Variants in ROPN1L observed in about 807,000 individuals in gnomAD.
ROPN1L encodes the protein ropporin-1-like protein.
Under a neutral mutation model 22.7 loss-of-function variants are expected in ROPN1L, and 23 were observed. The observed-to-expected ratio is 1.01, with a 90% confidence interval of 0.73 to 1.43. The LOEUF is 1.43. Among genes scored for constraint, ROPN1L ranks in the 40% most tolerant of loss-of-function variants. The pLI, the probability that ROPN1L is intolerant of heterozygous loss-of-function variation, is 0.00. For synonymous variants in ROPN1L, 116 were observed against 117.8 expected, an observed-to-expected ratio of 0.98 and a Z score of 0.10; for missense variants, 271 against 291.5, an observed-to-expected ratio of 0.93 and a Z score of 0.51.
chr5:10,465,502 G>A (rs142056212), downstream of ROPN1L, among the ~76,000 whole-genome samples: 265 of 144,852 alleles, frequency 1.8e-3, no homozygotes, highest in African/African-American at 6.6e-3. Context: ...GCGACAGAGC[G>A]AGACTCCGTC....
downstream of ROPN1L, among the ~76,000 whole-genome samples, chr5:10,473,717 A>T (rs1735281649): frequency 6.6e-6 from 1 of 152,208 alleles, no homozygotes; most frequent in Non-Finnish European, 1.5e-5. Context: ...TTTTCTTTTG[A>T]TTCCGAAAAT....
intron 1 of ROPN1L, among the ~76,000 whole-genome samples, chr5:10,444,431 C>T (rs1740989564): frequency 6.6e-6 from 1 of 152,056 alleles, no homozygotes. Context: ...ACTGGGATTA[C>T]AGGCACTTGC....
chr5:10,482,333 A>T, the ROPN1L span: 1 of 152,238 alleles, frequency 6.6e-6, no homozygotes, highest in Non-Finnish European at 1.5e-5. Context: ...ACCTTTTCGA[A>T]TGCTACTATT....
At chr5:10,467,241 C>A (rs755350143), downstream of ROPN1L, among the ~76,000 whole-genome samples, 1 of 150,470 alleles carries the variant, frequency 6.6e-6, no homozygotes, top group Non-Finnish European at 1.5e-5. Flanking sequence ...GAAACATGCA[C>A]TGGCTCTACA....
chr5:10,481,230 G>C, the ROPN1L span, among the ~76,000 whole-genome samples: 1 of 152,204 alleles, frequency 6.6e-6, no homozygotes, highest in Admixed American at 6.5e-5. Context: ...TTGAGTTATA[G>C]TAAGGCCAAC....
At chr5:10,447,610 C>T (rs984527917) in intron 1 of ROPN1L, among the ~76,000 whole-genome samples, 3 of 152,230 alleles carry the variant, frequency 2.0e-5, no homozygotes, top group Non-Finnish European at 4.4e-5. Context: ...GGCACAGTGG[C>T]TCACGCCTAT....
chr5:10,455,978 C>A (rs1485388656), intron 3 of ROPN1L, among the ~76,000 whole-genome samples: 1 of 151,598 alleles, frequency 6.6e-6, no homozygotes, highest in East Asian at 1.9e-4. Flanking sequence ...ATTTTCATTT[C>A]CATGCCAGCT....
At chr5:10,482,233 A>G in the ROPN1L span, 1 of 152,154 alleles carries the variant, frequency 6.6e-6, no homozygotes. Flanking sequence ...GTCAAAAAAA[A>G]AAAAAAAAGG....
chr5:10,478,341 C>G, the ROPN1L span, among the ~76,000 whole-genome samples: 1 of 152,206 alleles, frequency 6.6e-6, no homozygotes, highest in Non-Finnish European at 1.5e-5. Context: ...CTGGGGCTGC[C>G]CCGACAAAGT....
At chr5:10,469,237 G>T (rs768025418), downstream of ROPN1L, among the ~76,000 whole-genome samples, 38 of 152,056 alleles carry the variant, frequency 2.5e-4, no homozygotes, top group Admixed American at 4.6e-4. Context: ...CACTTCTGGA[G>T]GCCAAGGTGG....
At chr5:10,445,275 A>G (rs1324199870) in intron 1 of ROPN1L, among the ~76,000 whole-genome samples, 1 of 152,126 alleles carries the variant, frequency 6.6e-6, no homozygotes, top group Non-Finnish European at 1.5e-5. Context: ...CTGACCAAGA[A>G]CAATTTGTGA....
chr5:10,444,935 C>A (rs1011269193), intron 1 of ROPN1L, among the ~76,000 whole-genome samples: 1 of 152,026 alleles, frequency 6.6e-6, no homozygotes, highest in Non-Finnish European at 1.5e-5. Context: ...TAATCAGGAA[C>A]TTTCCGAATG....
chr5:10,464,872 A>G lies in ROPN1L; in HGVS notation c.618A>G (p.Ile206Met). Residue 206 changes from isoleucine (I) to methionine (M), a missense_variant, in exon 5 of 5, where the codon ATA (isoleucine) becomes ATG (methionine). Ile to Met is a conservative substitution (Grantham distance 10). Coordinates refer to ENST00000274134, the MANE Select transcript of ROPN1L (RefSeq NM_031916.5). ...ENIDARKNGM[I>M]GLSDFFFPKR... ...GAGACGCCAGGAAGAACGGCATGATAGGTCTTTCAGATTTCTTCTTTCCAA... is the reference window on the plus strand; with the variant it reads ...GAGACGCCAGGAAGAACGGCATGATGGGTCTTTCAGATTTCTTCTTTCCAA... 1.2e-6 allele frequency: 2 copies of G among 1,604,624 alleles called. No homozygotes were observed. Among genetic ancestry groups the G allele is most frequent in the South Asian group, 1.1e-5 (1 of 88,270 alleles).
chr5:10,447,615 G>T (rs1437903328), intron 1 of ROPN1L, among the ~76,000 whole-genome samples: 1 of 152,210 alleles, frequency 6.6e-6, no homozygotes, highest in African/African-American at 2.4e-5. Flanking sequence ...AGTGGCTCAC[G>T]CCTATAATCC....
At chr5:10,452,962 C>T (rs1322035025) in intron 3 of ROPN1L, among the ~76,000 whole-genome samples, 1 of 152,202 alleles carries the variant, frequency 6.6e-6, no homozygotes, top group African/African-American at 2.4e-5. Flanking sequence ...AAACAGCACA[C>T]ATTCTTTTGG....
chr5:10,470,283 TACAATCC>T (rs370297453), intron 4 of ROPN1L, among the ~76,000 whole-genome samples: 111,212 of 152,140 alleles, frequency 0.73, 41,629 homozygotes, highest in Non-Finnish European at 0.81. Flanking sequence ...TGTACAATTG[TACAATCC>T]CCTGGTTATT....
At chr5:10,443,349 G>A (rs1267773300) in intron 1 of ROPN1L, among the ~76,000 whole-genome samples, 1 of 135,524 alleles carries the variant, frequency 7.4e-6, no homozygotes, top group Admixed American at 7.7e-5. Context: ...TGGGCCGGGC[G>A]CGGTGGCTCA....
downstream of ROPN1L, among the ~76,000 whole-genome samples, chr5:10,466,713 A>T (rs183278015): frequency 8.4e-4 from 128 of 152,310 alleles, no homozygotes; most frequent in African/African-American, 3.0e-3. Flanking sequence ...TTGTCTCAAA[A>T]AGTGGGTTTT....
At chr5:10,477,886 C>G in the ROPN1L span, among the ~76,000 whole-genome samples, 1 of 152,162 alleles carries the variant, frequency 6.6e-6, no homozygotes, top group African/African-American at 2.4e-5. Context: ...GCAAAGATCA[C>G]ACTACTGCAC....
Sources: allele counts gnomAD v4.1 joint callset (sites outside exome capture counted in the v4.1 genomes callset), GRCh38; gene constraint gnomAD v4.1.1; transcripts MANE v1.5; gene names NCBI Gene and HGNC (gene_info 2026-07-23, HGNC 2026-07-21).